Variants in EBF1 observed in about 807,000 individuals in gnomAD.
The protein encoded by EBF1 is EBF transcription factor 1.
Under a neutral mutation model 68.4 loss-of-function variants are expected in EBF1, and 10 were observed. That is an observed-to-expected ratio of 0.15 (90% CI 0.09 to 0.25). The LOEUF is 0.25. Ranked by LOEUF, EBF1 falls within the 10% of genes least tolerant of loss-of-function variation. The probability of loss-of-function intolerance (pLI) is 1.00; values close to 1 mark genes in which losing one functional copy is unlikely to be tolerated. For missense variants in EBF1, 509 were observed against 794.4 expected (o/e 0.64, Z 4.32); for synonymous variants, 298 against 299.8 (o/e 0.99, Z 0.06).
intron 13 of EBF1, 116 bp from the exon 14 acceptor site, chr5:158,712,449 A>T (rs1759605622): frequency 8.5e-7 from 1 of 1,182,478 alleles, no homozygotes; most frequent in Non-Finnish European, 1.2e-6. Context: ...CCCAGAGGGA[A>T]GGGATTGGGT....
Position 158,744,330 on chromosome 5 carries a change from T to TA in EBF1, c.1037-13174dup, listed in dbSNP as rs1415525592. ...AGATTGAGAGACAAAACAGGACAAA[T>TA]ACACGTCAAAAAGGTATAGAAAGAA... is the stretch of plus-strand genomic sequence containing the variant. On this transcript the variant is annotated intron_variant, in intron 10 of 15. Transcript: ENST00000313708. Among the ~76,000 whole-genome samples the TA allele has an allele frequency of 2.1e-5, 3 of 139,758 alleles. No individual in the cohort carries two copies. The East Asian group carries it at 6.0e-4, about 28-fold the overall frequency. 91.7% of individuals were successfully genotyped at this position (139,758 alleles called of 152,430 possible).
intron 8 of EBF1, among the ~76,000 whole-genome samples, chr5:158,821,625 C>T (rs1383004644): frequency 1.3e-5 from 2 of 152,134 alleles, no homozygotes; most frequent in African/African-American, 4.8e-5. Context: ...CTGAGTATTT[C>T]CCTAATTTTT....
chr5:158,808,362 C>T (rs752577903), intron 8 of EBF1, among the ~76,000 whole-genome samples: 1 of 152,104 alleles, frequency 6.6e-6, no homozygotes, highest in Non-Finnish European at 1.5e-5. Flanking sequence ...GTCCAGTCTA[C>T]CTATCAAAAC....
intron 9 of EBF1, among the ~76,000 whole-genome samples, chr5:158,782,856 C>CT (rs770644927): frequency 6.6e-6 from 1 of 152,048 alleles, no homozygotes; most frequent in Non-Finnish European, 1.5e-5. Context: ...CCTGATAATA[C>CT]TCAACTCTTG....
chr5:158,918,314 T>C (rs1286721780), intron 6 of EBF1, among the ~76,000 whole-genome samples: 1 of 152,178 alleles, frequency 6.6e-6, no homozygotes, highest in Non-Finnish European at 1.5e-5. Flanking sequence ...CCATTTATAC[T>C]AGCATCTCCT....
chr5:158,795,761 T>C (rs962442014), intron 9 of EBF1, among the ~76,000 whole-genome samples: 5 of 152,114 alleles, frequency 3.3e-5, no homozygotes, highest in Admixed American at 1.3e-4. Context: ...AATTAGAACA[T>C]AGTCATTTTC....
chr5:158,812,797 T>C (rs1782939697), intron 8 of EBF1, among the ~76,000 whole-genome samples: 2 of 152,138 alleles, frequency 1.3e-5, no homozygotes. Context: ...CTGGCTGATT[T>C]TCTCTCCTGA....
intron 10 of EBF1, among the ~76,000 whole-genome samples, chr5:158,733,109 A>G (rs1764457400): frequency 6.6e-6 from 1 of 152,218 alleles, no homozygotes; most frequent in Non-Finnish European, 1.5e-5. Context: ...TGCAACTTGT[A>G]AAATCCACTG....
intron 6 of EBF1, among the ~76,000 whole-genome samples, chr5:158,930,343 A>C (rs1470834420): frequency 6.6e-6 from 1 of 151,928 alleles, no homozygotes; most frequent in Non-Finnish European, 1.5e-5. Flanking sequence ...GGAACAGAAC[A>C]AAAATGAGCA....
intron 6 of EBF1, among the ~76,000 whole-genome samples, chr5:159,008,354 T>C (rs1763970255): frequency 6.6e-6 from 1 of 152,092 alleles, no homozygotes; most frequent in South Asian, 2.1e-4. Flanking sequence ...AGCGAGGATC[T>C]TTTTAAAAAT....
chr5:158,946,258 G>C (rs952448880), intron 6 of EBF1, among the ~76,000 whole-genome samples: 4 of 152,146 alleles, frequency 2.6e-5, no homozygotes, highest in Non-Finnish European at 5.9e-5. Flanking sequence ...TGGAGGAGAA[G>C]AGGCATCCCG....
intron 6 of EBF1, among the ~76,000 whole-genome samples, chr5:158,922,433 C>T (rs1268590173): frequency 6.6e-6 from 1 of 152,204 alleles, no homozygotes; most frequent in Non-Finnish European, 1.5e-5. Flanking sequence ...AACAATAGTT[C>T]TTCCACTTTG....
chr5:158,898,238 G>C (rs894482544), intron 6 of EBF1, among the ~76,000 whole-genome samples: 1 of 152,066 alleles, frequency 6.6e-6, no homozygotes, highest in African/African-American at 2.4e-5. Context: ...GGTCTTTTTT[G>C]ATATCTCCAG....
chr5:158,844,885 T>A (rs548128592), intron 6 of EBF1, among the ~76,000 whole-genome samples: 3 of 152,186 alleles, frequency 2.0e-5, no homozygotes, highest in Admixed American at 1.3e-4. Context: ...ACAAAATTGC[T>A]TGTTCAATGA....
At chr5:158,797,706 T>C (rs959829577) in intron 8 of EBF1, among the ~76,000 whole-genome samples, 8 of 152,182 alleles carry the variant, frequency 5.3e-5, no homozygotes, top group African/African-American at 1.9e-4. Flanking sequence ...ACAAATAGAA[T>C]GGGTTTGATT....
chr5:158,715,507 A>G (rs972112545), intron 11 of EBF1, among the ~76,000 whole-genome samples: 21 of 152,358 alleles, frequency 1.4e-4, no homozygotes, highest in African/African-American at 4.6e-4. Context: ...CTAATGTCCT[A>G]AATTCAAAAA....
At chr5:158,804,899 T>C (rs1237303310) in intron 8 of EBF1, among the ~76,000 whole-genome samples, 1 of 152,054 alleles carries the variant, frequency 6.6e-6, no homozygotes, top group African/African-American at 2.4e-5. Flanking sequence ...TGGGGAAAAA[T>C]TGTCATGGAG....
At chr5:158,764,956 A>G (rs1772334162) in intron 10 of EBF1, among the ~76,000 whole-genome samples, 1 of 152,146 alleles carries the variant, frequency 6.6e-6, no homozygotes, top group African/African-American at 2.4e-5. Context: ...GTCTTTCCTC[A>G]TAAAGAACAA....
At chr5:158,812,751 C>T (rs1176790487) in intron 8 of EBF1, among the ~76,000 whole-genome samples, 1 of 152,076 alleles carries the variant, frequency 6.6e-6, no homozygotes, top group Non-Finnish European at 1.5e-5. Flanking sequence ...CAGCTGGTTC[C>T]GTATGTATTA....
Sources: allele counts gnomAD v4.1 joint callset (sites outside exome capture counted in the v4.1 genomes callset), GRCh38; gene constraint gnomAD v4.1.1; transcripts MANE v1.5; gene names NCBI Gene and HGNC (gene_info 2026-07-23, HGNC 2026-07-21).